The following SEMA3A variants were observed in gnomAD, a reference collection of about 807,000 sequenced individuals.
SEMA3A encodes semaphorin-3A.
In SEMA3A, 29 loss-of-function variants were observed where a neutral mutation model predicts 97.9. The ratio of observed to expected loss-of-function variants is 0.30; its 90% CI spans 0.22 to 0.40. The LOEUF is 0.40. Ranked by LOEUF, SEMA3A falls within the 10% of genes least tolerant of loss-of-function variation. The pLI, the probability that SEMA3A is intolerant of heterozygous loss-of-function variation, is 1.00. For synonymous variants in SEMA3A, 321 were observed against 323.7 expected, an observed-to-expected ratio of 0.99 and a Z score of 0.09; for missense variants, 763 against 951.3, an observed-to-expected ratio of 0.80 and a Z score of 2.60.
chr7:84,061,230 G>A (rs552099314), intron 4 of SEMA3A, among the ~76,000 whole-genome samples: 1 of 152,106 alleles, frequency 6.6e-6, no homozygotes, highest in Non-Finnish European at 1.5e-5. Context: ...TTATTACCAC[G>A]GGAAAGCCTG....
At chr7:84,279,673 A>G (rs963526897) in intron 3 of SEMA3A, among the ~76,000 whole-genome samples, 1 of 152,108 alleles carries the variant, frequency 6.6e-6, no homozygotes, top group African/African-American at 2.4e-5. Context: ...ATGCTTTCCA[A>G]ATAAAATTAA....
intron 1 of SEMA3A, among the ~76,000 whole-genome samples, chr7:84,457,420 A>G (rs1343908551): frequency 6.6e-6 from 1 of 151,924 alleles, no homozygotes; most frequent in African/African-American, 2.4e-5. Context: ...GAAAGATTTG[A>G]TATTTAGAAG....
intron 3 of SEMA3A, among the ~76,000 whole-genome samples, chr7:84,230,575 G>A (rs1009511803): frequency 2.6e-5 from 4 of 151,916 alleles, no homozygotes; most frequent in Non-Finnish European, 5.9e-5. Context: ...GTTAGCTCAT[G>A]CGTCTCCTAG....
At chr7:84,203,525 T>TC (rs1798409415) in intron 3 of SEMA3A, among the ~76,000 whole-genome samples, 1 of 66,230 alleles carries the variant, frequency 1.5e-5, no homozygotes, top group African/African-American at 6.8e-5. Flanking sequence ...TATATATATA[T>TC]ATTTTTTTTT....
At chr7:84,068,656 C>G (rs1401283056) in intron 4 of SEMA3A, among the ~76,000 whole-genome samples, 1 of 152,044 alleles carries the variant, frequency 6.6e-6, no homozygotes, top group Non-Finnish European at 1.5e-5. Flanking sequence ...ACTACTGACA[C>G]AGACAGACGT....
intron 1 of SEMA3A, among the ~76,000 whole-genome samples, chr7:84,193,243 G>A (rs1417253644): frequency 1.3e-5 from 2 of 152,056 alleles, no homozygotes; most frequent in African/African-American, 4.8e-5. Flanking sequence ...AATTCAAAGT[G>A]TGAAAATTAC....
intron 4 of SEMA3A, among the ~76,000 whole-genome samples, chr7:84,061,716 T>G (rs1404330282): frequency 6.6e-6 from 1 of 152,144 alleles, no homozygotes; most frequent in Non-Finnish European, 1.5e-5. Context: ...TTATTACTCT[T>G]AAAACTCATT....
At chr7:84,374,496 T>C (rs1394211741) in intron 1 of SEMA3A, among the ~76,000 whole-genome samples, 4 of 152,294 alleles carry the variant, frequency 2.6e-5, no homozygotes, top group African/African-American at 9.6e-5. Flanking sequence ...GCAAGTACAA[T>C]GAAATGTTTA....
At chr7:84,371,886 G>A (rs1468469936) in exon 2 of SEMA3A, 1 of 151,886 alleles carries the variant, frequency 6.6e-6, no homozygotes, top group African/African-American at 2.4e-5. Context: ...CCCATGGATG[G>A]TTTTTTTAAA....
chr7:84,099,427 A>G (rs1380384325), intron 4 of SEMA3A, among the ~76,000 whole-genome samples: 4 of 152,068 alleles, frequency 2.6e-5, no homozygotes, highest in Non-Finnish European at 5.9e-5. Context: ...ACATTCCCCA[A>G]AATAGCATTT....
chr7:84,028,242 A>T (rs1791617997), intron 6 of SEMA3A, among the ~76,000 whole-genome samples: 1 of 152,232 alleles, frequency 6.6e-6, no homozygotes, highest in Admixed American at 6.5e-5. Context: ...ATATCAAAAT[A>T]TTAGAAAAAT....
At chr7:83,990,734 G>A (rs551252327) in intron 12 of SEMA3A, among the ~76,000 whole-genome samples, 19,770 of 97,938 alleles carry the variant, frequency 0.2, 2,507 homozygotes, top group Non-Finnish European at 0.29. Context: ...TTGTAGTATA[G>A]TTTGAAGTCA....
intron 1 of SEMA3A, among the ~76,000 whole-genome samples, chr7:84,490,190 C>A (rs893883839): frequency 7.7e-6 from 1 of 129,112 alleles, no homozygotes; most frequent in Admixed American, 8.1e-5. Flanking sequence ...AACCACAATG[C>A]TTTTCCAGCA....
At chr7:84,408,025 A>G (rs995167521) in intron 1 of SEMA3A, among the ~76,000 whole-genome samples, 4 of 152,316 alleles carry the variant, frequency 2.6e-5, no homozygotes, top group Non-Finnish European at 4.4e-5. Context: ...ATGGCAACAA[A>G]AGCCAAAATT....
chr7:84,138,132 T>C (rs1796199550), intron 1 of SEMA3A, among the ~76,000 whole-genome samples: 2 of 152,174 alleles, frequency 1.3e-5, no homozygotes, highest in Non-Finnish European at 2.9e-5. Flanking sequence ...TTTGTATAAG[T>C]AGAAGTTAAA....
chr7:84,419,529 C>CAAAAAA (rs35358909), intron 1 of SEMA3A, among the ~76,000 whole-genome samples: 1 of 132,570 alleles, frequency 7.5e-6, no homozygotes. Context: ...TGCATGAGAC[C>CAAAAAA]AAAAAAAAAA....
intron 15 of SEMA3A, among the ~76,000 whole-genome samples, chr7:83,964,168 G>C (rs1788582269): frequency 6.6e-6 from 1 of 152,098 alleles, no homozygotes; most frequent in Non-Finnish European, 1.5e-5. Context: ...ATGAAACACA[G>C]CTCAGATCAA....
intron 1 of SEMA3A, among the ~76,000 whole-genome samples, chr7:84,408,558 A>C (rs930394034): frequency 6.6e-6 from 1 of 152,138 alleles, no homozygotes; most frequent in Non-Finnish European, 1.5e-5. Context: ...TACCCAAAGG[A>C]TTATAAATCA....
Position 83,985,429 on chromosome 7 carries a change from A to C in SEMA3A, c.1494+7T>G, listed in dbSNP as rs759230275. The C allele has an allele frequency of 5.0e-6, 8 of 1,599,084 alleles. No homozygotes were observed. The highest frequency in any genetic ancestry group is 6.9e-6 in the Non-Finnish European group (8 of 1,167,288). Reference sequence around the variant, plus strand: ...GGATATTCAATGGTAATACATAATGATAGTACCTGCTTAGTGGAAAGCTCC... The same window carrying C: ...GGATATTCAATGGTAATACATAATGCTAGTACCTGCTTAGTGGAAAGCTCC... On this transcript the variant is annotated splice_region_variant and intron_variant, in intron 13 of 16. Coordinates refer to ENST00000265362, the MANE Select transcript of SEMA3A (RefSeq NM_006080.3).
Sources: allele counts gnomAD v4.1 joint callset (sites outside exome capture counted in the v4.1 genomes callset), GRCh38; gene constraint gnomAD v4.1.1; transcripts MANE v1.5; gene names NCBI Gene and HGNC (gene_info 2026-07-23, HGNC 2026-07-21).